Variants in HPCAL1 observed in about 807,000 individuals in gnomAD.
HPCAL1 encodes the protein hippocalcin-like protein 1.
A neutral mutation model predicts 17.1 loss-of-function variants in HPCAL1; 8 were observed. The ratio of observed to expected loss-of-function variants is 0.47; its 90% CI spans 0.27 to 0.84. The LOEUF (loss-of-function observed/expected upper bound fraction) is 0.84, where lower values mean the gene tolerates loss of function less well. Among genes scored for constraint, HPCAL1 ranks in the 40% least tolerant of loss-of-function variants. The probability of loss-of-function intolerance (pLI) is 0.13; values close to 1 mark genes in which losing one functional copy is unlikely to be tolerated. For synonymous variants in HPCAL1, 112 were observed against 111.4 expected, an observed-to-expected ratio of 1.01 and a Z score of -0.03; for missense variants, 165 against 271.1, an observed-to-expected ratio of 0.61 and a Z score of 2.75.
intron 2 of HPCAL1, among the ~76,000 whole-genome samples, chr2:10,403,244 T>C (rs906356881): frequency 6.6e-6 from 1 of 152,162 alleles, no homozygotes; most frequent in East Asian, 1.9e-4. Flanking sequence ...AGTTTTCTAT[T>C]TATTTATTTA....
chr2:10,355,312 G>A (rs932514505), intron 1 of HPCAL1, among the ~76,000 whole-genome samples: 11 of 150,444 alleles, frequency 7.3e-5, no homozygotes, highest in East Asian at 3.9e-4. Flanking sequence ...TTAGCCGGGC[G>A]TAGTGGCGGG....
rs1035799607 is a variant in HPCAL1, at chr2:10,342,702, G to A, written c.-111+39525G>A. Among the ~76,000 whole-genome samples, 4 of 152,174 alleles carry A rather than the reference G, an allele frequency of 2.6e-5. No homozygotes were observed. The highest frequency in any genetic ancestry group is 9.7e-5 in the African/African-American group (4 of 41,434). On this transcript the variant is annotated intron_variant, in intron 1 of 4. Coordinates refer to ENST00000307845, the MANE Select transcript of HPCAL1 (RefSeq NM_002149.4). The surrounding 1 kb of genome is among the most constrained non-coding windows in gnomAD (Gnocchi z 4.1). Reference sequence around the variant, plus strand: ...CCTCTCATGACTCTCATTCTTTCTCGTTGAGTTTTGTTTTGTCACCCAGCC... The same window carrying A: ...CCTCTCATGACTCTCATTCTTTCTCATTGAGTTTTGTTTTGTCACCCAGCC...
intron 1 of HPCAL1, among the ~76,000 whole-genome samples, chr2:10,314,096 T>C (rs1240365313): frequency 6.8e-6 from 1 of 146,772 alleles, no homozygotes; most frequent in Non-Finnish European, 1.5e-5. Flanking sequence ...TCTGAGCCAC[T>C]ACACTCCAGC....
intron 2 of HPCAL1, among the ~76,000 whole-genome samples, chr2:10,410,663 T>A (rs920796038): frequency 2.0e-5 from 3 of 152,016 alleles, no homozygotes; most frequent in Non-Finnish European, 4.4e-5. Flanking sequence ...ATGGTTCTGC[T>A]CTCAAATAGA....
At chr2:10,364,490 G>A (rs1164955743) in intron 1 of HPCAL1, among the ~76,000 whole-genome samples, 2 of 152,234 alleles carry the variant, frequency 1.3e-5, no homozygotes, top group African/African-American at 4.8e-5. Flanking sequence ...GGCCGATCGG[G>A]TGTCCCGGGG....
At chr2:10,351,851 C>T (rs192263841) in intron 1 of HPCAL1, among the ~76,000 whole-genome samples, 119 of 151,978 alleles carry the variant, frequency 7.8e-4, no homozygotes, top group Middle Eastern at 3.5e-3. Flanking sequence ...TGGTGATAAG[C>T]GATGGTTGCA....
chr2:10,317,417 A>ATT (rs33931208), intron 1 of HPCAL1, among the ~76,000 whole-genome samples: 2 of 131,510 alleles, frequency 1.5e-5, no homozygotes, highest in African/African-American at 2.8e-5. Context: ...TAATTCAACA[A>ATT]TTTTTTTTTT....
chr2:10,358,408 C>T (rs1051895931), intron 1 of HPCAL1, among the ~76,000 whole-genome samples: 1 of 152,178 alleles, frequency 6.6e-6, no homozygotes, highest in Non-Finnish European at 1.5e-5. Context: ...TCGAGGGCTC[C>T]ACCCCTGGGC....
intron 1 of HPCAL1, among the ~76,000 whole-genome samples, chr2:10,333,061 C>T (rs1205254364): frequency 6.6e-6 from 1 of 151,812 alleles, no homozygotes; most frequent in Non-Finnish European, 1.5e-5. Flanking sequence ...GTGGGCCCTG[C>T]CTGAGCCCCA....
chr2:10,398,231 C>T (rs1669186771), intron 2 of HPCAL1, among the ~76,000 whole-genome samples: 1 of 152,232 alleles, frequency 6.6e-6, no homozygotes, highest in Non-Finnish European at 1.5e-5. Flanking sequence ...ATGCCCAGCC[C>T]CTGAGAGCCC....
intron 1 of HPCAL1, among the ~76,000 whole-genome samples, chr2:10,337,817 C>A (rs766783332): frequency 6.6e-6 from 1 of 152,236 alleles, no homozygotes; most frequent in African/African-American, 2.4e-5. Flanking sequence ...TTTCTCAGTC[C>A]CCCAGGAGGT....
At chr2:10,347,164 G>A (rs1558475650) in intron 1 of HPCAL1, among the ~76,000 whole-genome samples, 4 of 152,094 alleles carry the variant, frequency 2.6e-5, no homozygotes, top group African/African-American at 7.2e-5. Context: ...CTCAGTGAGA[G>A]GGAGTGTCTG....
At chr2:10,369,235 C>T (rs7588911) in intron 1 of HPCAL1, 11,440 of 152,294 alleles carry the variant, frequency 0.075, 527 homozygotes, top group Middle Eastern at 0.17. Context: ...ACATGATGCC[C>T]GTGGCCTGAT....
rs1671452853 is a variant in HPCAL1, at chr2:10,426,983, A to T, written c.*162A>T. 2 of 626,278 alleles carry T rather than the reference A, an allele frequency of 3.2e-6. No individual in the cohort carries two copies. Among genetic ancestry groups the T allele is most frequent in the Admixed American group, 2.5e-5 (1 of 39,840 alleles). 38.8% of individuals were successfully genotyped at this position (626,278 alleles called of 1,614,324 possible). A position where few individuals can be genotyped will look rare whatever the true frequency, so the allele number is the denominator to read the frequency against. On this transcript the variant is annotated 3_prime_UTR_variant, in exon 5 of 5. Transcript: ENST00000307845. ...CCCGGTGGCTGCGCCTCCCTCCTCC[A>T]CCTGACCAACGCGACATTCCTCCCC...
In HPCAL1 at chr2:10,330,723, A is replaced by G. The variant is rs1437408383; in HGVS notation, c.-111+27546A>G. Among the ~76,000 whole-genome samples, 3 of 152,202 alleles carry G rather than the reference A, an allele frequency of 2.0e-5. No individual in the cohort carries two copies. The highest frequency in any genetic ancestry group is 4.4e-5 in the Non-Finnish European group (3 of 68,032). ...AGTCCCTGTGTCCAAATACAGTCAC[A>G]TCTGGAGGTAGTAAGGATTGGGGCT... On this transcript the variant is annotated intron_variant, in intron 1 of 4. Transcript: ENST00000307845. The surrounding 1 kb of genome is among the most constrained non-coding windows in gnomAD (Gnocchi z 4.2).
intron 2 of HPCAL1, among the ~76,000 whole-genome samples, chr2:10,415,040 C>A (rs1670574126): frequency 6.6e-6 from 1 of 152,208 alleles, no homozygotes. Flanking sequence ...AAAATGGGCC[C>A]TTTTGAAGCC....
At chr2:10,379,851 T>C (rs896883376) in intron 1 of HPCAL1, among the ~76,000 whole-genome samples, 10 of 152,354 alleles carry the variant, frequency 6.6e-5, no homozygotes, top group Admixed American at 2.0e-4. Flanking sequence ...TGAAGAGGCT[T>C]GAGCGCACAC....
Position 10,419,158 on chromosome 2 carries a change from C to G in HPCAL1, c.-24-576C>G, listed in dbSNP as rs1486232793. ...CCTGGGAGGCGGAGGTTACAGTGAG[C>G]TGTGATCCTGCTACTGCACTGCAGC... On this transcript the variant is annotated intron_variant, in intron 2 of 4. Transcript: ENST00000307845. The surrounding 1 kb of genome is among the most constrained non-coding windows in gnomAD (Gnocchi z 5.0). Among the ~76,000 whole-genome samples the G allele has an allele frequency of 2.6e-5, 4 of 152,036 alleles. No individual in the cohort carries two copies. Among genetic ancestry groups the G allele is most frequent in the Admixed American group, 6.6e-5 (1 of 15,240 alleles).
At chr2:10,389,292 G>A (rs1558509254) in intron 1 of HPCAL1, among the ~76,000 whole-genome samples, 1 of 152,248 alleles carries the variant, frequency 6.6e-6, no homozygotes, top group South Asian at 2.1e-4. Context: ...CCGCCTCTGA[G>A]CTGCTGCTCT....
Sources: gnomAD v4.1 joint callset for allele counts (sites outside exome capture counted in the v4.1 genomes callset) on GRCh38, gnomAD v4.1.1 for gene constraint, Gnocchi (gnomAD v3.1) non-coding constraint, MANE v1.5 for transcripts, NCBI Gene and HGNC (gene_info 2026-07-23, HGNC 2026-07-21) for gene names.